The following POLR1A variants were observed in gnomAD, a reference collection of about 807,000 sequenced individuals.
POLR1A encodes DNA-directed RNA polymerase I subunit RPA1.
A neutral mutation model predicts 205.3 loss-of-function variants in POLR1A; 84 were observed. The observed-to-expected ratio is 0.41, with a 90% confidence interval of 0.34 to 0.49. POLR1A has a LOEUF of 0.49. POLR1A is among the 20% of genes least tolerant of loss of function. The pLI, the probability that POLR1A is intolerant of heterozygous loss-of-function variation, is 0.22. For synonymous variants in POLR1A, 799 were observed against 863.7 expected (o/e 0.93, Z 1.31); for missense variants, 1,645 against 2,204.5 (o/e 0.75, Z 5.08).
intron 3 of POLR1A, among the ~76,000 whole-genome samples, chr2:86,091,780 T>C (rs544502221): frequency 1.3e-5 from 2 of 152,274 alleles, no homozygotes; most frequent in South Asian, 2.1e-4. Context: ...AATTTGACCA[T>C]GAGTTAACTT....
Position 86,105,848 on chromosome 2 carries a change from C to A in POLR1A, c.-72G>T. The A allele has an allele frequency of 7.3e-7, 1 of 1,377,016 alleles. No homozygotes were observed. The highest frequency in any genetic ancestry group is 1.0e-6 in the Non-Finnish European group (1 of 972,962). 85.3% of individuals were successfully genotyped at this position (1,377,016 alleles called of 1,614,324 possible). On this transcript the variant is annotated 5_prime_UTR_variant, in exon 1 of 34. Coordinates refer to ENST00000263857, the MANE Select transcript of POLR1A (RefSeq NM_015425.6). Reference sequence around the variant, plus strand: ...CACCACCTGACTATTCTTAATTCAACCTCAAGCCCGGAGTCACCACGCGAT... The same window carrying A: ...CACCACCTGACTATTCTTAATTCAAACTCAAGCCCGGAGTCACCACGCGAT...
At chr2:86,076,836 C>T (rs1210404794) in intron 11 of POLR1A, among the ~76,000 whole-genome samples, 1 of 152,166 alleles carries the variant, frequency 6.6e-6, no homozygotes, top group Non-Finnish European at 1.5e-5. Context: ...AGAGGGCAAC[C>T]AAAAGTTGCT....
intron 14 of POLR1A, among the ~76,000 whole-genome samples, chr2:86,063,353 A>AAG (rs1673032538): frequency 6.7e-6 from 1 of 149,470 alleles, no homozygotes; most frequent in Non-Finnish European, 1.5e-5. Context: ...AAAAAAAAAA[A>AAG]AAAAAAAAAG....
At chr2:86,078,603 G>T (rs1403225142) in intron 9 of POLR1A, among the ~76,000 whole-genome samples, 1 of 152,168 alleles carries the variant, frequency 6.6e-6, no homozygotes. Context: ...AGAAAACTAA[G>T]AAGTCCTTCC....
chr2:86,095,714 G>C (rs950519150), intron 3 of POLR1A, among the ~76,000 whole-genome samples: 10 of 142,014 alleles, frequency 7.0e-5, no homozygotes, highest in Non-Finnish European at 1.2e-4. Flanking sequence ...CCTGTTTACA[G>C]ATTACATATT....
intron 7 of POLR1A, 123 bp downstream of exon 7, chr2:86,082,959 G>T: frequency 1.4e-6 from 1 of 715,820 alleles, no homozygotes; most frequent in South Asian, 1.8e-5. Context: ...CAAACCTCTG[G>T]ATCAGTTCCA....
At position 86,030,335 on chromosome 2, in the gene POLR1A, A is replaced by G. The variant is rs1388914001; in HGVS notation, c.4640T>C (p.Leu1547Ser). 1.2e-6 allele frequency: 2 copies of G among 1,614,156 alleles called. No homozygotes were observed. Among genetic ancestry groups the G allele is most frequent in the Non-Finnish European group, 1.7e-6 (2 of 1,179,974 alleles). The change falls in exon 31 of 34, where the codon TTG (leucine) becomes TCG (serine). Residue 1547 changes from leucine to serine, a missense_variant. Leu to Ser is a moderately radical substitution (Grantham distance 145). Coordinates refer to ENST00000263857, the MANE Select transcript of POLR1A (RefSeq NM_015425.6). ...CGCATAGATGACGGCACCATGGGCC[A>G]AAGATACTACCAGGGAGCTCATGTC... is the stretch of plus-strand genomic sequence containing the variant. Reference protein sequence around the residue: ...NFDMSSLVVSLAHGAVIYATK... With the variant: ...NFDMSSLVVSSAHGAVIYATK...
intron 28 of POLR1A, among the ~76,000 whole-genome samples, chr2:86,032,930 C>A (rs940096732): frequency 5.3e-5 from 8 of 152,200 alleles, no homozygotes; most frequent in African/African-American, 9.7e-5. Context: ...CAGGAGAGAC[C>A]TAGCATTTTC....
chr2:86,081,836 A>C, intron 7 of POLR1A, 130 bp from the exon 8 acceptor site: 1 of 627,240 alleles, frequency 1.6e-6, no homozygotes, highest in East Asian at 2.8e-5. Flanking sequence ...TTAAGGTCAC[A>C]GTTTTCTTTT....
In POLR1A at chr2:86,023,891, A is replaced by C. The variant is rs1690206768; in HGVS notation, c.*3532T>G. On this transcript the variant is annotated 3_prime_UTR_variant, in exon 34 of 34. Coordinates refer to ENST00000263857, the MANE Select transcript of POLR1A (RefSeq NM_015425.6). ...CAGCCTCCCGAGTAGCTGGGATTAT[A>C]GGCGCGCACCACCACACCCAGCTAA... is the stretch of plus-strand genomic sequence containing the variant. The C allele has an allele frequency of 6.6e-6, 1 of 151,944 alleles. No individual in the cohort carries two copies. Among genetic ancestry groups the C allele is most frequent in the Non-Finnish European group, 1.5e-5 (1 of 68,058 alleles). 9.4% of individuals were successfully genotyped at this position (151,944 alleles called of 1,614,324 possible).
At position 86,071,266 on chromosome 2, in the gene POLR1A, G is replaced by A. The variant is rs1009942938; in HGVS notation, c.1612-994C>T. Among the ~76,000 whole-genome samples, 10 of 148,672 alleles carry A rather than the reference G, an allele frequency of 6.7e-5. No individual in the cohort carries two copies. In the Admixed American group the frequency reaches 6.8e-4, roughly 10 times the overall value. ...TGTGTGTGTGTGTGTGTGTGTCTAT[G>A]GGAAAGGGGTGGTTGGATCCTCACT... On this transcript the variant is annotated intron_variant, in intron 12 of 33. Coordinates refer to ENST00000263857, the MANE Select transcript of POLR1A (RefSeq NM_015425.6).
intron 19 of POLR1A, 72 bp downstream of exon 19, chr2:86,047,093 A>T: frequency 9.8e-7 from 1 of 1,017,018 alleles, no homozygotes; most frequent in Non-Finnish European, 1.6e-6. Context: ...GAACAAACTG[A>T]AACCACCTCC....
chr2:86,046,302 C>G (rs904350954), intron 19 of POLR1A, among the ~76,000 whole-genome samples: 18 of 152,092 alleles, frequency 1.2e-4, no homozygotes, highest in African/African-American at 4.1e-4. Flanking sequence ...AACACAACAA[C>G]AACAACAACA....
In POLR1A at chr2:86,081,612, C is replaced by T. The variant is rs1281811587; in HGVS notation, c.912G>A (p.Val304=). The T allele has an allele frequency of 1.3e-6, 2 of 1,592,344 alleles. No homozygotes were observed. The highest frequency in any genetic ancestry group is 1.1e-5 in the South Asian group (1 of 90,216). ...PSVFFLDFLV[V]PPSRYRPVSR... ...TTAAAGGGTATTACCTTGAGGGCGG[C>T]ACCACCAAGAAATCTAGAAAGAACA... is the stretch of plus-strand genomic sequence containing the variant. Residue 304 remains valine, a synonymous_variant, in exon 8 of 34, where the codon GTG becomes GTA. Coordinates refer to ENST00000263857, the MANE Select transcript of POLR1A (RefSeq NM_015425.6).
intron 14 of POLR1A, 104 bp downstream of exon 14, chr2:86,065,170 A>G (rs1673064712): frequency 9.6e-7 from 1 of 1,046,558 alleles, no homozygotes; most frequent in East Asian, 2.4e-5. Context: ...TTGCTGGCTT[A>G]GCCATTTCTC....
rs539082976 is a variant in POLR1A, at chr2:86,037,430, C to T, written c.4034+1270G>A. On this transcript the variant is annotated intron_variant, in intron 27 of 33. Coordinates refer to ENST00000263857, the MANE Select transcript of POLR1A (RefSeq NM_015425.6). ...ATGCCACCTGCACAGAGGGCTGGCT[C>T]GAGGCCAGGCCCCATAAGGTGAGAG... 2.6e-5 allele frequency among the ~76,000 whole-genome samples: 4 copies of T among 152,374 alleles called. No individual in the cohort carries two copies. In the East Asian group the frequency reaches 5.8e-4, roughly 22 times the overall value.
chr2:86,074,969 C>A, intron 12 of POLR1A, 61 bp downstream of exon 12: 1 of 1,201,430 alleles, frequency 8.3e-7, no homozygotes, highest in Non-Finnish European at 1.2e-6. Context: ...CTGATGGCCA[C>A]CAATCACCAG....
intron 9 of POLR1A, among the ~76,000 whole-genome samples, chr2:86,079,626 G>A (rs147299092): frequency 6.6e-6 from 1 of 151,992 alleles, no homozygotes; most frequent in Non-Finnish European, 1.5e-5. Context: ...GCAGTGGTGC[G>A]ATCACAGCTC....
At chr2:86,030,130 G>A (rs2104379048) in intron 31 of POLR1A, 66 bp downstream of exon 31, 1 of 1,345,684 alleles carries the variant, frequency 7.4e-7, no homozygotes, top group African/African-American at 1.4e-5. Flanking sequence ...CCCAGTGGCT[G>A]GGTCTTGAGA....
Sources: allele counts gnomAD v4.1 joint callset (sites outside exome capture counted in the v4.1 genomes callset), GRCh38; gene constraint gnomAD v4.1.1; transcripts MANE v1.5; gene names NCBI Gene and HGNC (gene_info 2026-07-23, HGNC 2026-07-21).